TRARG1: variants seen among roughly 807,000 people sequenced by gnomAD.
The protein encoded by TRARG1 is trafficking regulator of GLUT4 (SLC2A4) 1 (gene/pseudogene).
In TRARG1, 16 loss-of-function variants were observed where a neutral mutation model predicts 13.3. That is an observed-to-expected ratio of 1.20 (90% CI 0.81 to 1.83). The LOEUF is 1.83. Ranked by LOEUF, TRARG1 falls within the 40% of genes most tolerant of loss-of-function variation. The pLI is 0.00. For synonymous variants in TRARG1, 113 were observed against 106.2 expected (o/e 1.06, Z -0.39); for missense variants, 250 against 237.4 (o/e 1.05, Z -0.35).
chr17:1,293,630 G>A lies in TRARG1; in HGVS notation c.388-1861G>A, dbSNP rs540675998. ...GTCGTGGGTTGTGTTTGATGATGTCGCAGGTTGGGTTTGATGATGTCATGG... is the reference window on the plus strand; with the variant it reads ...GTCGTGGGTTGTGTTTGATGATGTCACAGGTTGGGTTTGATGATGTCATGG... On this transcript the variant is annotated intron_variant, in intron 1 of 2. Transcript: ENST00000333813. Among the ~76,000 whole-genome samples, 227 of 151,488 alleles carry A rather than the reference G, an allele frequency of 1.5e-3. 1 individual carries two copies. Among genetic ancestry groups the A allele is most frequent in the Non-Finnish European group, 2.2e-3 (149 of 67,884 alleles).
chr17:1,295,619 C>G lies in TRARG1; in HGVS notation c.516C>G (p.Phe172Leu). The change falls in exon 2 of 3, where the codon TTC (phenylalanine) becomes TTG (leucine). Residue 172 changes from phenylalanine (F) to leucine (L), a missense_variant. Coordinates refer to ENST00000333813, the MANE Select transcript of TRARG1 (RefSeq NM_172367.3). Reference sequence around the variant, plus strand: ...TCATGGTGGCCGTGACCGTCAACTTCACAGGTGAGACCCAGCTCCTTGGAG... The same window carrying G: ...TCATGGTGGCCGTGACCGTCAACTTGACAGGTGAGACCCAGCTCCTTGGAG... The part of the protein sequence containing the change: ...VIIMVAVTVN[F>L]TVQKK 6.2e-7 allele frequency: 1 copy of G among 1,610,958 alleles called. No homozygotes were observed. Among genetic ancestry groups the G allele is most frequent in the East Asian group, 2.2e-5 (1 of 44,762 alleles).
intron 1 of TRARG1, among the ~76,000 whole-genome samples, chr17:1,282,267 T>TATGTAC (rs2071986191): frequency 2.0e-5 from 1 of 50,588 alleles, no homozygotes; most frequent in South Asian, 7.2e-4. Flanking sequence ...TATATGTACA[T>TATGTAC]ATATGCACGT....
chr17:1,286,714 G>A (rs1296843262), intron 1 of TRARG1, among the ~76,000 whole-genome samples: 2 of 138,118 alleles, frequency 1.4e-5, no homozygotes, highest in Non-Finnish European at 3.2e-5. Context: ...GCCTGTGGGT[G>A]TTGTTTTCGG....
chr17:1,294,227 C>T (rs1293148364), intron 1 of TRARG1, among the ~76,000 whole-genome samples: 4 of 151,996 alleles, frequency 2.6e-5, no homozygotes, highest in African/African-American at 9.7e-5. Flanking sequence ...CGGGACCCTC[C>T]TAGGACCCTC....
intron 1 of TRARG1, among the ~76,000 whole-genome samples, chr17:1,291,446 TCGGCA>T (rs2072068758): frequency 6.6e-6 from 1 of 152,218 alleles, no homozygotes; most frequent in African/African-American, 2.4e-5. Context: ...CCCGTTTTGT[TCGGCA>T]CTTTTCCTTT....
At chr17:1,283,710 G>A (rs534496785) in intron 1 of TRARG1, among the ~76,000 whole-genome samples, 8 of 152,166 alleles carry the variant, frequency 5.3e-5, no homozygotes, top group Admixed American at 2.0e-4. Flanking sequence ...TCGGGAGGCT[G>A]AGGCAGGAGA....
chr17:1,291,259 C>T lies in TRARG1; in HGVS notation c.388-4232C>T, dbSNP rs567378370. Among the ~76,000 whole-genome samples, 207 of 152,144 alleles carry T rather than the reference C, an allele frequency of 1.4e-3. 2 individuals carry two copies. The highest frequency in any genetic ancestry group is 4.7e-3 in the African/African-American group (196 of 41,512). On this transcript the variant is annotated intron_variant, in intron 1 of 2. Transcript: ENST00000333813. ...CTGAGTAGCGGGGATTACAGGCACC[C>T]GCCACCGCGCCCAGCTAATTTTTGT...
intron 1 of TRARG1, among the ~76,000 whole-genome samples, chr17:1,292,190 A>AAAAC (rs1052367554): frequency 1.5e-5 from 2 of 131,084 alleles, no homozygotes; most frequent in Non-Finnish European, 3.3e-5. Flanking sequence ...AAAACAAAAC[A>AAAAC]AAACAAACAA....
chr17:1,297,806 C>T (rs1375483230), intron 2 of TRARG1, among the ~76,000 whole-genome samples: 3 of 151,926 alleles, frequency 2.0e-5, no homozygotes, highest in African/African-American at 4.8e-5. Context: ...GGTTTCACCA[C>T]GTTGGTCAGG....
intron 1 of TRARG1, among the ~76,000 whole-genome samples, chr17:1,290,052 C>T (rs2072059348): frequency 1.3e-5 from 2 of 152,240 alleles, no homozygotes; most frequent in South Asian, 4.1e-4. Context: ...CATACTCCAT[C>T]TCATCTTTCA....
At position 1,280,173 on chromosome 17, in the gene TRARG1, C is replaced by A; in HGVS notation, c.172C>A (p.Gln58Lys). The A allele has an allele frequency of 1.2e-6, 2 of 1,614,084 alleles. No individual in the cohort carries two copies. The highest frequency in any genetic ancestry group is 1.7e-6 in the Non-Finnish European group (2 of 1,179,986). ...GCCTCTGGATCTGGAGCAGAACAGC[C>A]AGGGCCTACCCTTCAAGGCCATCTC... Reference protein sequence around the residue: ...SGPLDLEQNSQGLPFKAISEG... With the variant: ...SGPLDLEQNSKGLPFKAISEG... Residue 58 changes from glutamine to lysine, a missense_variant, in exon 1 of 3, where the codon CAG becomes AAG. Physicochemically the swap from Gln to Lys is moderately conservative, Grantham distance 53. Coordinates refer to ENST00000333813, the MANE Select transcript of TRARG1 (RefSeq NM_172367.3).
chr17:1,283,906 A>T lies in TRARG1; in HGVS notation c.387+3518A>T, dbSNP rs572104366. ...GGCGGGCAGATCACGAGGTCAGGAG[A>T]TTGACACCATCCTGGCTAACACGGT... On this transcript the variant is annotated intron_variant, in intron 1 of 2. Transcript: ENST00000333813. Among the ~76,000 whole-genome samples the T allele has an allele frequency of 5.1e-3, 780 of 152,108 alleles. 4 individuals carry two copies. The highest frequency in any genetic ancestry group is 0.017 in the African/African-American group (725 of 41,466).
In TRARG1 at chr17:1,299,626, AG is replaced by A; in HGVS notation, c.*1364del. The A allele has an allele frequency of 6.6e-6, 1 of 152,284 alleles. No homozygotes were observed. 9.4% of individuals were successfully genotyped at this position (152,284 alleles called of 1,614,324 possible). A position where few individuals can be genotyped will look rare whatever the true frequency, so the allele number is the denominator to read the frequency against. ...TCTCCCTGGCCCAGGCTCCAGCCAC[AG>A]GCACCTCTCCTGCCCCCGCCCACCC... On this transcript the variant is annotated 3_prime_UTR_variant, in exon 3 of 3. Transcript: ENST00000333813.
intron 1 of TRARG1, among the ~76,000 whole-genome samples, chr17:1,291,131 C>G (rs1278877356): frequency 3.3e-5 from 5 of 152,098 alleles, no homozygotes. Flanking sequence ...GTCTCGAACT[C>G]CTGACCTCAG....
intron 1 of TRARG1, among the ~76,000 whole-genome samples, chr17:1,282,323 C>CATATATGTACGTATATGTACATATGCGT (rs1567928421): frequency 2.5e-5 from 3 of 120,732 alleles, no homozygotes; most frequent in African/African-American, 8.0e-5. Flanking sequence ...TATATATGTA[C>CATATATGTACGTATATGTACATATGCGT]ATATATGTAC....
At chr17:1,286,604 A>T (rs796111204) in intron 1 of TRARG1, among the ~76,000 whole-genome samples, 1 of 68,438 alleles carries the variant, frequency 1.5e-5, no homozygotes, top group Non-Finnish European at 2.7e-5. Flanking sequence ...GTGGGGTGTT[A>T]TTGGCCTGTG....
Position 1,285,294 on chromosome 17 carries a change from C to T in TRARG1, c.387+4906C>T, listed in dbSNP as rs188645153. On this transcript the variant is annotated intron_variant, in intron 1 of 2. Transcript: ENST00000333813. ...GGCGTGGCGGCACACACCTATAATCCCAGCTACTCAGGAGGCTGAGGCAGG... is the reference window on the plus strand; with the variant it reads ...GGCGTGGCGGCACACACCTATAATCTCAGCTACTCAGGAGGCTGAGGCAGG... 3.1e-3 allele frequency among the ~76,000 whole-genome samples: 475 copies of T among 151,596 alleles called. 2 individuals carry two copies. The highest frequency in any genetic ancestry group is 5.4e-3 in the Non-Finnish European group (367 of 67,916).
Position 1,285,861 on chromosome 17 carries a change from C to G in TRARG1, c.387+5473C>G, listed in dbSNP as rs1055202504. ...AGAAAAGTATTTTGAAAAGGAGATT[C>G]CAGGAGGTGGAAGGAAATCTTGGAA... On this transcript the variant is annotated intron_variant, in intron 1 of 2. Transcript: ENST00000333813. 3.9e-5 allele frequency among the ~76,000 whole-genome samples: 6 copies of G among 151,956 alleles called. No individual in the cohort carries two copies. In the South Asian group the frequency reaches 1.2e-3, roughly 32 times the overall value.
intron 2 of TRARG1, among the ~76,000 whole-genome samples, chr17:1,297,825 G>A (rs796429131): frequency 7.2e-5 from 11 of 152,140 alleles, no homozygotes; most frequent in African/African-American, 1.7e-4. Flanking sequence ...GGCTGGCCTC[G>A]AACTCCTGAC....
Sources: allele counts gnomAD v4.1 joint callset (sites outside exome capture counted in the v4.1 genomes callset), GRCh38; gene constraint gnomAD v4.1.1; transcripts MANE v1.5; gene names NCBI Gene and HGNC (gene_info 2026-07-23, HGNC 2026-07-21).